RFC3: variants seen among roughly 807,000 people sequenced by gnomAD.
The protein encoded by RFC3 is A1 38 kDa subunit.
In RFC3, 41 loss-of-function variants were observed where a neutral mutation model predicts 45.1. That is an observed-to-expected ratio of 0.91 (90% CI 0.71 to 1.18). RFC3 has a LOEUF of 1.18. Ranked by LOEUF, RFC3 falls within the 50% of genes most tolerant of loss-of-function variation. RFC3 has a pLI of 0.00. For synonymous variants in RFC3, 149 were observed against 144.0 expected, an observed-to-expected ratio of 1.03 and a Z score of -0.25; for missense variants, 423 against 428.1, an observed-to-expected ratio of 0.99 and a Z score of 0.10.
the RFC3 span, among the ~76,000 whole-genome samples, chr13:33,972,773 A>G: frequency 6.6e-6 from 1 of 152,212 alleles, no homozygotes; most frequent in East Asian, 1.9e-4. Flanking sequence ...GTTATATATC[A>G]TTTTATCTCC....
chr13:33,894,086 A>G (rs955189059), intron 8 of RFC3, among the ~76,000 whole-genome samples: 1 of 152,184 alleles, frequency 6.6e-6, no homozygotes, highest in Non-Finnish European at 1.5e-5. Flanking sequence ...CACACTGTGA[A>G]CTTTTTCCAA....
chr13:33,868,059 G>GGCAA (rs1387592135), intron 8 of RFC3, among the ~76,000 whole-genome samples: 3 of 152,214 alleles, frequency 2.0e-5, no homozygotes, highest in African/African-American at 7.2e-5. Context: ...GCTTAGGGTT[G>GGCAA]CCTTCCTTTG....
intron 8 of RFC3, among the ~76,000 whole-genome samples, chr13:33,921,453 A>T (rs1186840669): frequency 6.6e-6 from 1 of 152,190 alleles, no homozygotes; most frequent in East Asian, 1.9e-4. Context: ...AGAGGTCAAA[A>T]GACAGTTTCT....
chr13:33,951,959 A>G (rs540415350), intron 8 of RFC3, among the ~76,000 whole-genome samples: 1 of 152,356 alleles, frequency 6.6e-6, no homozygotes, highest in South Asian at 2.1e-4. Flanking sequence ...TTGGAAGTCA[A>G]GATTCACAAA....
At chr13:33,885,336 T>TA (rs58208461) in intron 8 of RFC3, among the ~76,000 whole-genome samples, 13,022 of 147,558 alleles carry the variant, frequency 0.088, 1,190 homozygotes, top group African/African-American at 0.23. Flanking sequence ...AGGCTTTCTT[T>TA]AAAAAAAAAA....
At chr13:33,899,204 CAA>C (rs59221382) in intron 8 of RFC3, among the ~76,000 whole-genome samples, 1,264 of 51,942 alleles carry the variant, frequency 0.024, 7 homozygotes, top group African/African-American at 0.048. Flanking sequence ...CACAATAAGA[CAA>C]AAAAAAAAAA....
intron 8 of RFC3, among the ~76,000 whole-genome samples, chr13:33,904,271 A>G (rs1179834362): frequency 3.3e-5 from 5 of 152,030 alleles, no homozygotes; most frequent in Non-Finnish European, 5.9e-5. Flanking sequence ...TATAGTTTCT[A>G]AAAAATCAGT....
At chr13:33,905,271 G>A (rs1341089490) in intron 8 of RFC3, among the ~76,000 whole-genome samples, 4 of 151,376 alleles carry the variant, frequency 2.6e-5, no homozygotes, top group African/African-American at 7.3e-5. Context: ...CTGGGTATAC[G>A]AGTGCATGTT....
At chr13:33,895,238 A>G (rs537229770) in intron 8 of RFC3, among the ~76,000 whole-genome samples, 86 of 152,342 alleles carry the variant, frequency 5.6e-4, no homozygotes, top group African/African-American at 2.0e-3. Context: ...GAAAACACTT[A>G]CAAAGTATAT....
chr13:33,840,227 G>A (rs374715599), downstream of RFC3, among the ~76,000 whole-genome samples: 13 of 152,044 alleles, frequency 8.6e-5, no homozygotes, highest in East Asian at 1.5e-3. Context: ...TAATTACATC[G>A]TTATTTGGTA....
chr13:33,907,545 A>C (rs1473470411), intron 8 of RFC3, among the ~76,000 whole-genome samples: 2 of 152,172 alleles, frequency 1.3e-5, no homozygotes, highest in East Asian at 3.9e-4. Context: ...TGTTTCATAA[A>C]ATTTTAGAAT....
At chr13:33,825,343 T>G (rs1186951164) in intron 3 of RFC3, among the ~76,000 whole-genome samples, 1 of 141,922 alleles carries the variant, frequency 7.0e-6, no homozygotes, top group Non-Finnish European at 1.5e-5. Context: ...GACTTCTCTT[T>G]GTTTGTTCTC....
At chr13:33,893,288 T>C (rs1392667696) in intron 8 of RFC3, among the ~76,000 whole-genome samples, 2 of 152,032 alleles carry the variant, frequency 1.3e-5, no homozygotes, top group Non-Finnish European at 2.9e-5. Context: ...AGCACCCCAA[T>C]TATTTACTAG....
rs1210366123 is a variant in RFC3, at chr13:33,935,061, T to A, written c.880-31026T>A. ...AAGTCTTATTTGGTTACCAGATAAC[T>A]GGATCATGTCAAGGTCCAAAAATAT... is the stretch of plus-strand genomic sequence containing the variant. On this transcript the variant is annotated intron_variant, in intron 8 of 8. Coordinates refer to the RFC3 transcript ENST00000434425. 2.0e-5 allele frequency among the ~76,000 whole-genome samples: 3 copies of A among 152,178 alleles called. No homozygotes were observed. In the East Asian group the frequency reaches 5.8e-4, roughly 29 times the overall value.
chr13:33,864,657 C>T (rs886988892), intron 8 of RFC3, among the ~76,000 whole-genome samples: 4 of 152,020 alleles, frequency 2.6e-5, no homozygotes, highest in Admixed American at 6.6e-5. Context: ...GAAGAGATCA[C>T]CAGTAGTCTC....
At chr13:33,897,977 C>G (rs990577217) in intron 8 of RFC3, among the ~76,000 whole-genome samples, 1 of 151,860 alleles carries the variant, frequency 6.6e-6, no homozygotes, top group Non-Finnish European at 1.5e-5. Flanking sequence ...TACATACCTA[C>G]TATGTACTCA....
chr13:33,898,010 A>T (rs370354633), intron 8 of RFC3, among the ~76,000 whole-genome samples: 1 of 151,978 alleles, frequency 6.6e-6, no homozygotes, highest in African/African-American at 2.4e-5. Context: ...CTTTAAAAAA[A>T]CACTAACAGA....
chr13:33,894,739 T>C (rs1052820517), intron 8 of RFC3, among the ~76,000 whole-genome samples: 1 of 152,140 alleles, frequency 6.6e-6, no homozygotes, highest in Non-Finnish European at 1.5e-5. Context: ...GGGTATCACA[T>C]TGCCCAACTT....
intron 8 of RFC3, among the ~76,000 whole-genome samples, chr13:33,884,545 C>T (rs1370691002): frequency 6.6e-6 from 1 of 152,204 alleles, no homozygotes; most frequent in Non-Finnish European, 1.5e-5. Context: ...TGGAGATGAA[C>T]TGTGTAAGGG....
Sources: gnomAD v4.1 joint callset for allele counts (sites outside exome capture counted in the v4.1 genomes callset) on GRCh38, gnomAD v4.1.1 for gene constraint, MANE v1.5 for transcripts, NCBI Gene and HGNC (gene_info 2026-07-23, HGNC 2026-07-21) for gene names.